ATP2C2: variants seen among roughly 807,000 people sequenced by gnomAD.
ATP2C2 encodes the protein calcium-transporting ATPase type 2C member 2.
A neutral mutation model predicts 110.8 loss-of-function variants in ATP2C2; 171 were observed. The ratio of observed to expected loss-of-function variants is 1.54; its 90% CI spans 1.36 to 1.75. The LOEUF (loss-of-function observed/expected upper bound fraction) is 1.75. Ranked by LOEUF, ATP2C2 falls within the 40% of genes most tolerant of loss-of-function variation. The pLI is 0.00. For missense variants in ATP2C2, 1,963 were observed against 1,235.0 expected (o/e 1.59, Z -8.84); for synonymous variants, 804 against 508.4 (o/e 1.58, Z -7.82).
chr16:84,376,366 T>C (rs895158326), intron 1 of ATP2C2, among the ~76,000 whole-genome samples: 1 of 152,112 alleles, frequency 6.6e-6, no homozygotes, highest in Non-Finnish European at 1.5e-5. Context: ...CTCCCTCGAG[T>C]GTCCTGGTGA....
chr16:84,372,317 T>A lies in ATP2C2; in HGVS notation c.99+3603T>A, dbSNP rs183421230. Reference sequence around the variant, plus strand: ...TGGAAAAGAGTATGTGTGTGGGAATTCTGAGGCTCATGCACACACAACTTT... The same window carrying A: ...TGGAAAAGAGTATGTGTGTGGGAATACTGAGGCTCATGCACACACAACTTT... On this transcript the variant is annotated intron_variant, in intron 1 of 26. Transcript: ENST00000262429. Among the ~76,000 whole-genome samples, 348 of 152,304 alleles carry A rather than the reference T, an allele frequency of 2.3e-3. 4 individuals carry two copies. Among genetic ancestry groups the A allele is most frequent in the Non-Finnish European group, 2.8e-3 (188 of 68,024 alleles).
chr16:84,412,477 CATGTGT>C (rs1906444530), intron 6 of ATP2C2, among the ~76,000 whole-genome samples: 1 of 132,306 alleles, frequency 7.6e-6, no homozygotes, highest in African/African-American at 2.9e-5. Flanking sequence ...TGTGTCTGTG[CATGTGT>C]ATGTGTGCAT....
intron 16 of ATP2C2, 28 bp from the exon 17 acceptor site, chr16:84,448,504 GT>G: frequency 6.3e-7 from 1 of 1,592,570 alleles, no homozygotes; most frequent in South Asian, 1.1e-5. Flanking sequence ...TCCAGTGATA[GT>G]GGATTTCTTC....
intron 1 of ATP2C2, among the ~76,000 whole-genome samples, chr16:84,376,074 G>A (rs141626569): frequency 5.5e-4 from 83 of 152,232 alleles, no homozygotes; most frequent in African/African-American, 1.9e-3. Context: ...AGCTTTGGGC[G>A]CCAGTGGGAG....
intron 14 of ATP2C2, among the ~76,000 whole-genome samples, chr16:84,441,680 G>A (rs537735388): frequency 6.6e-6 from 1 of 152,300 alleles, no homozygotes; most frequent in East Asian, 1.9e-4. Flanking sequence ...CAGCACTTTG[G>A]GAGGCCAAGG....
chr16:84,410,658 T>C (rs1906196451), intron 5 of ATP2C2, 46 bp from the exon 6 acceptor site: 1 of 1,613,754 alleles, frequency 6.2e-7, no homozygotes, highest in Non-Finnish European at 8.5e-7. Flanking sequence ...AGGAGCTTCA[T>C]GGAGTCCCCA....
rs545835874 is a variant in ATP2C2 at position 84,378,842 on chromosome 16, C to A, written c.99+10128C>A. Among the ~76,000 whole-genome samples the A allele has an allele frequency of 7.2e-4, 110 of 152,308 alleles. 1 individual carries two copies. The highest frequency in any genetic ancestry group is 3.4e-3 in the Middle Eastern group (1 of 294). ...ACACACGAAGCCATGAACGTGGAGC[C>A]GGGCCTGGTGGGCTCACCGTCGCGA... On this transcript the variant is annotated intron_variant, in intron 1 of 26. Transcript: ENST00000262429.
At chr16:84,424,642 T>G (rs913578166) in intron 10 of ATP2C2, among the ~76,000 whole-genome samples, 2 of 145,870 alleles carry the variant, frequency 1.4e-5, no homozygotes, top group Admixed American at 7.0e-5. Context: ...GTTTTGACAC[T>G]CAGTCCCATG....
rs7192410 is a variant in ATP2C2 at position 84,459,726 on chromosome 16, C to T, written c.2333+340C>T. The T allele has an allele frequency of 3.6e-3, 2,600 of 724,262 alleles. 60 individuals carry two copies. In the African/African-American group the frequency reaches 0.042, roughly 12 times the overall value. The allele number at this position is 724,262 out of a possible 1,614,324, so 44.9% of individuals were successfully genotyped here. ...TTCCCTGATTGCACTCCCACTCAAT[C>T]CCCTCACCCTGCTGTATTTTTCCCT... On this transcript the variant is annotated intron_variant, in intron 23 of 26. Coordinates refer to ENST00000262429, the MANE Select transcript of ATP2C2 (RefSeq NM_014861.4).
At chr16:84,387,999 G>A (rs1347683687) in intron 1 of ATP2C2, among the ~76,000 whole-genome samples, 1 of 151,924 alleles carries the variant, frequency 6.6e-6, no homozygotes, top group Non-Finnish European at 1.5e-5. Flanking sequence ...CTGGTCTCGG[G>A]TGAGCCCACA....
At chr16:84,449,203 C>T (rs1567735403) in intron 17 of ATP2C2, among the ~76,000 whole-genome samples, 1 of 152,222 alleles carries the variant, frequency 6.6e-6, no homozygotes, top group Non-Finnish European at 1.5e-5. Context: ...CTGGTATTCC[C>T]TTGGGGGAAA....
chr16:84,423,097 A>C lies in ATP2C2; in HGVS notation c.844-91A>C, dbSNP rs1050007297. ...TGTACCCCTGTGTAATCATCACTGA[A>C]GCTGTAGGATGGCAAGGTGAAGACA... On this transcript the variant is annotated intron_variant, in intron 9 of 26. Coordinates refer to ENST00000262429, the MANE Select transcript of ATP2C2 (RefSeq NM_014861.4). The C allele has an allele frequency of 6.5e-6, 7 of 1,077,038 alleles. No homozygotes were observed. The African/African-American group carries it at 9.3e-5, about 14-fold the overall frequency. 66.7% of individuals were successfully genotyped at this position (1,077,038 alleles called of 1,614,324 possible).
chr16:84,440,261 T>G (rs1295304875), intron 13 of ATP2C2, among the ~76,000 whole-genome samples: 1 of 152,242 alleles, frequency 6.6e-6, no homozygotes, highest in Non-Finnish European at 1.5e-5. Flanking sequence ...GCCTCCCAAG[T>G]CCTTGCGTGT....
chr16:84,453,323 G>T lies in ATP2C2; in HGVS notation c.1932G>T (p.Val644=). ...KGELADRVGK[V]SVFFRTSPKH... Reference sequence around the variant, plus strand: ...GTCTTCCCCGTCTCCGTGTCCAGGTGTCCGTGTTCTTCAGGACCAGCCCAA... The same window carrying T: ...GTCTTCCCCGTCTCCGTGTCCAGGTTTCCGTGTTCTTCAGGACCAGCCCAA... The change falls in exon 20 of 27, where the codon GTG becomes GTT. Residue 644 remains valine, a splice_region_variant and synonymous_variant. Coordinates refer to ENST00000262429, the MANE Select transcript of ATP2C2 (RefSeq NM_014861.4). The T allele has an allele frequency of 6.2e-7, 1 of 1,614,172 alleles. No homozygotes were observed. The highest frequency in any genetic ancestry group is 1.1e-5 in the South Asian group (1 of 91,080).
Position 84,454,916 on chromosome 16 carries a change from G to C in ATP2C2, c.2079G>C (p.Gln693His), listed in dbSNP as rs767498206. ...CAGACATTGGGATCGCCATGGGGCAGACAGGGACGGACGTCAGCAAAGAGG... is the reference window on the plus strand; with the variant it reads ...CAGACATTGGGATCGCCATGGGGCACACAGGGACGGACGTCAGCAAAGAGG... ...KSADIGIAMG[Q>H]TGTDVSKEAA... The change falls in exon 21 of 27, where the codon CAG becomes CAC. Residue 693 changes from glutamine (Q) to histidine (H), a missense_variant. Coordinates refer to ENST00000262429, the MANE Select transcript of ATP2C2 (RefSeq NM_014861.4). 1.2e-6 allele frequency: 2 copies of C among 1,613,972 alleles called. No individual in the cohort carries two copies. Among genetic ancestry groups the C allele is most frequent in the South Asian group, 2.2e-5 (2 of 91,070 alleles).
At chr16:84,463,495 A>C in intron 26 of ATP2C2, 119 bp from the exon 27 acceptor site, 2 of 826,296 alleles carry the variant, frequency 2.4e-6, no homozygotes, top group Non-Finnish European at 4.1e-6. Context: ...CAGGGGAATG[A>C]AAAGGGCTGG....
At chr16:84,428,431 C>T (rs1597817395) in intron 11 of ATP2C2, among the ~76,000 whole-genome samples, 2 of 152,200 alleles carry the variant, frequency 1.3e-5, no homozygotes, top group African/African-American at 4.8e-5. Context: ...CAAAAGCATT[C>T]AATAACTGTT....
chr16:84,399,407 A>G (rs1458041940), intron 2 of ATP2C2, among the ~76,000 whole-genome samples: 2 of 152,228 alleles, frequency 1.3e-5, no homozygotes, highest in African/African-American at 4.8e-5. Flanking sequence ...AAAAGAATCT[A>G]GAAATCAATT....
At chr16:84,372,026 G>C (rs1027193367) in intron 1 of ATP2C2, among the ~76,000 whole-genome samples, 3 of 152,192 alleles carry the variant, frequency 2.0e-5, no homozygotes, top group African/African-American at 7.2e-5. Flanking sequence ...GTGGCAAAGG[G>C]TGAGCTGGAT....
Sources: allele counts gnomAD v4.1 joint callset (sites outside exome capture counted in the v4.1 genomes callset), GRCh38; gene constraint gnomAD v4.1.1; transcripts MANE v1.5; gene names NCBI Gene and HGNC (gene_info 2026-07-23, HGNC 2026-07-21).